The following NUGGC variants were observed in gnomAD, a reference collection of about 807,000 sequenced individuals.
The protein encoded by NUGGC is nuclear GTPase, germinal center associated.
In NUGGC, 58 loss-of-function variants were observed where a neutral mutation model predicts 92.6. That is an observed-to-expected ratio of 0.63 (90% CI 0.51 to 0.78). NUGGC has a LOEUF of 0.78. Ranked by LOEUF, NUGGC falls within the 30% of genes least tolerant of loss-of-function variation. The pLI, the probability that NUGGC is intolerant of heterozygous loss-of-function variation, is 0.00. For missense variants in NUGGC, 925 were observed against 964.6 expected, an observed-to-expected ratio of 0.96 and a Z score of 0.54; for synonymous variants, 376 against 366.4, an observed-to-expected ratio of 1.03 and a Z score of -0.30.
At chr8:28,069,040 T>C (rs985742433) in intron 4 of NUGGC, among the ~76,000 whole-genome samples, 1 of 152,216 alleles carries the variant, frequency 6.6e-6, no homozygotes, top group Non-Finnish European at 1.5e-5. Context: ...TTGTATATTC[T>C]TGATCCTAGA....
In NUGGC at chr8:28,027,047, T is replaced by G; in HGVS notation, c.2160A>C (p.Gly720=). 1 of 1,612,210 alleles carries G rather than the reference T, an allele frequency of 6.2e-7. No individual in the cohort carries two copies. Among genetic ancestry groups the G allele is most frequent in the Non-Finnish European group, 8.5e-7 (1 of 1,178,358 alleles). Residue 720 remains glycine, a synonymous_variant, in exon 18 of 19, where the codon GGA becomes GGC. Coordinates refer to ENST00000413272, the MANE Select transcript of NUGGC (RefSeq NM_001010906.2). ...MQHQFQQLKT[G]IVEKVKGSIT... is the part of the protein sequence containing the mutation. The stretch of plus-strand genomic sequence containing the variant: ...TGCTGCCCTTCACCTTCTCCACGAT[T>G]CCAGTCTATGCAACAAGGACATTCA...
At chr8:28,070,521 T>A in intron 2 of NUGGC, among the ~76,000 whole-genome samples, 165 bp from the exon 3 acceptor site, 1 of 151,648 alleles carries the variant, frequency 6.6e-6, no homozygotes, top group Non-Finnish European at 1.5e-5. Context: ...GAGGCCAAGG[T>A]GGGAGGATTG....
chr8:28,047,402 A>G, intron 11 of NUGGC, 105 bp downstream of exon 11: 1 of 674,014 alleles, frequency 1.5e-6, no homozygotes, highest in Non-Finnish European at 2.5e-6. Flanking sequence ...GGCAAGCTGG[A>G]AAAAAATTGT....
At chr8:28,055,420 T>C (rs767103374) in intron 10 of NUGGC, among the ~76,000 whole-genome samples, 4 of 152,206 alleles carry the variant, frequency 2.6e-5, no homozygotes, top group Non-Finnish European at 5.9e-5. Flanking sequence ...CACCTGGGCC[T>C]ACTCCTCTGT....
intron 2 of NUGGC, among the ~76,000 whole-genome samples, chr8:28,070,703 C>T (rs1322891316): frequency 6.6e-6 from 1 of 151,154 alleles, no homozygotes; most frequent in East Asian, 2.0e-4. Context: ...TCATGTGATC[C>T]TCCCACCTCA....
intron 17 of NUGGC, among the ~76,000 whole-genome samples, chr8:28,028,013 T>G: frequency 6.6e-6 from 1 of 152,048 alleles, no homozygotes; most frequent in Non-Finnish European, 1.5e-5. Flanking sequence ...TCACCCATTG[T>G]GTAGAACTAA....
At chr8:28,061,527 T>C (rs1018251170) in intron 7 of NUGGC, among the ~76,000 whole-genome samples, 4 of 152,242 alleles carry the variant, frequency 2.6e-5, no homozygotes, top group Non-Finnish European at 5.9e-5. Flanking sequence ...TTTTGCTTTA[T>C]ACCAGTAGTT....
intron 1 of NUGGC, among the ~76,000 whole-genome samples, chr8:28,078,819 TC>T (rs1247366280): frequency 1.3e-5 from 2 of 152,146 alleles, no homozygotes; most frequent in Non-Finnish European, 1.5e-5. Flanking sequence ...GCAGTCTATT[TC>T]CCCCCAAAGG....
Position 28,022,954 on chromosome 8 carries a change from C to G in NUGGC, c.*363G>C, listed in dbSNP as rs1013802907. The stretch of plus-strand genomic sequence containing the variant: ...GGTGTGGTGGCAGTCGCCTATAATC[C>G]CAGCTACTTGGGAGGCTGAGGCAGA... On this transcript the variant is annotated 3_prime_UTR_variant, in exon 19 of 19. Coordinates refer to ENST00000413272, the MANE Select transcript of NUGGC (RefSeq NM_001010906.2). 1 of 165,154 alleles carries G rather than the reference C, an allele frequency of 6.1e-6. No homozygotes were observed. The highest frequency in any genetic ancestry group is 2.4e-5 in the African/African-American group (1 of 41,744). 10.2% of individuals were successfully genotyped at this position (165,154 alleles called of 1,614,324 possible). A position where few individuals can be genotyped will look rare whatever the true frequency, so the allele number is the denominator to read the frequency against.
At chr8:28,033,200 T>C (rs1465585427) in intron 14 of NUGGC, among the ~76,000 whole-genome samples, 1 of 152,158 alleles carries the variant, frequency 6.6e-6, no homozygotes, top group African/African-American at 2.4e-5. Flanking sequence ...CTAAAGGCCA[T>C]GTGTTTGCTT....
At chr8:28,078,515 A>G (rs1263333527) in intron 1 of NUGGC, among the ~76,000 whole-genome samples, 1 of 152,232 alleles carries the variant, frequency 6.6e-6, no homozygotes, top group Non-Finnish European at 1.5e-5. Context: ...CCACCCATCA[A>G]TAAAGCTGGA....
intron 14 of NUGGC, 26 bp downstream of exon 14, chr8:28,033,514 A>C (rs368052251): frequency 6.2e-7 from 1 of 1,603,072 alleles, no homozygotes; most frequent in African/African-American, 1.3e-5. Context: ...TTTGTTCCCG[A>C]AGGTGCAAGA....
chr8:28,078,315 G>C (rs1810771419), intron 1 of NUGGC, among the ~76,000 whole-genome samples: 1 of 152,064 alleles, frequency 6.6e-6, no homozygotes, highest in East Asian at 1.9e-4. Context: ...AAATGGAAAG[G>C]GATCATTTGC....
At chr8:28,076,634 A>G (rs1439271285) in intron 1 of NUGGC, among the ~76,000 whole-genome samples, 1 of 152,172 alleles carries the variant, frequency 6.6e-6, no homozygotes, top group East Asian at 1.9e-4. Flanking sequence ...CCTTGATTGA[A>G]GAGTAAAGCA....
At chr8:28,070,139 G>GT in intron 3 of NUGGC, 113 bp downstream of exon 3, 1 of 1,457,250 alleles carries the variant, frequency 6.9e-7, no homozygotes, top group South Asian at 1.5e-5. Context: ...TCCAAAACAG[G>GT]TTTATTTGAT....
rs138355807 is a variant in NUGGC at position 28,062,535 on chromosome 8, C to G, written c.922-1934G>C. ...GGGAGGCTGGGACAGCAGGATTGCT[C>G]AAGCCCAGGAGGTCGAGGTTGCAGT... On this transcript the variant is annotated intron_variant, in intron 7 of 18. Transcript: ENST00000413272. 5.9e-3 allele frequency among the ~76,000 whole-genome samples: 898 copies of G among 152,188 alleles called. 11 individuals are homozygous for G. The highest frequency in any genetic ancestry group is 0.02 in the African/African-American group (844 of 41,500).
chr8:28,046,914 C>T (rs934873722), intron 11 of NUGGC, among the ~76,000 whole-genome samples: 1 of 151,834 alleles, frequency 6.6e-6, no homozygotes, highest in African/African-American at 2.4e-5. Flanking sequence ...GGGGATCAAC[C>T]CACCTCGACC....
intron 5 of NUGGC, 29 bp downstream of exon 5, chr8:28,068,187 A>G: frequency 7.5e-7 from 1 of 1,341,988 alleles, no homozygotes; most frequent in South Asian, 1.3e-5. Flanking sequence ...GAAGGAAGGG[A>G]AGGAAGGAGG....
Position 28,031,378 on chromosome 8 carries a change from C to G in NUGGC, c.1773G>C (p.Thr591=), listed in dbSNP as rs749240160. The G allele has an allele frequency of 1.2e-6, 2 of 1,613,096 alleles. No individual in the cohort carries two copies. The highest frequency in any genetic ancestry group is 1.7e-5 in the Admixed American group (1 of 59,876). Residue 591 remains threonine, a synonymous_variant, in exon 15 of 19, where the codon ACG becomes ACC. Coordinates refer to ENST00000413272, the MANE Select transcript of NUGGC (RefSeq NM_001010906.2). ...TCAGAGCTGAACCAGTGGGCTTCCCCGTCCTACGGAAGAAAGTGACAAAAA... is the reference window on the plus strand; with the variant it reads ...TCAGAGCTGAACCAGTGGGCTTCCCGGTCCTACGGAAGAAAGTGACAAAAA... ...IDPVFGSIFR[T]GKPTGSALMP... is the part of the protein sequence containing the mutation.
Sources: gnomAD v4.1 joint callset for allele counts (sites outside exome capture counted in the v4.1 genomes callset) on GRCh38, gnomAD v4.1.1 for gene constraint, MANE v1.5 for transcripts, NCBI Gene and HGNC (gene_info 2026-07-23, HGNC 2026-07-21) for gene names.